Variants in SLC25A43 observed in about 807,000 individuals in gnomAD.
The protein encoded by SLC25A43 is solute carrier family 25, member 43.
A neutral mutation model predicts 22.8 loss-of-function variants in SLC25A43; 10 were observed. That is an observed-to-expected ratio of 0.44 (90% CI 0.27 to 0.74). The LOEUF (loss-of-function observed/expected upper bound fraction) is 0.74. Ranked by LOEUF, SLC25A43 falls within the 30% of genes least tolerant of loss-of-function variation. The probability of loss-of-function intolerance (pLI) is 0.17; values close to 1 mark genes in which losing one functional copy is unlikely to be tolerated. For synonymous variants in SLC25A43, 106 were observed against 121.6 expected, an observed-to-expected ratio of 0.87 and a Z score of 0.84; for missense variants, 233 against 279.1, an observed-to-expected ratio of 0.83 and a Z score of 1.18.
intron 3 of SLC25A43, 117 bp downstream of exon 3, chrX:119,410,479 T>C (rs1443879154): frequency 1.3e-5 from 10 of 777,878 alleles, no homozygotes; most frequent in Non-Finnish European, 1.7e-5. Context: ...AGCTTCTGAC[T>C]GCTCATAAAT....
intron 1 of SLC25A43, among the ~76,000 whole-genome samples, chrX:119,402,203 T>C (rs1442703097): frequency 2.7e-5 from 3 of 111,803 alleles, no homozygotes; most frequent in Non-Finnish European, 5.6e-5. Context: ...AACATAAACA[T>C]CCAGAATGTT....
At chrX:119,412,701 T>C (rs1466200341) in intron 3 of SLC25A43, among the ~76,000 whole-genome samples, 1 of 112,499 alleles carries the variant, frequency 8.9e-6, no homozygotes, top group African/African-American at 3.2e-5. Context: ...GTGCTATTTA[T>C]GTGTTGTTGG....
At chrX:119,434,979 C>T (rs1244237631) in intron 3 of SLC25A43, among the ~76,000 whole-genome samples, 1 of 110,241 alleles carries the variant, frequency 9.1e-6, no homozygotes. Flanking sequence ...GCTGGGACTA[C>T]AGGCATGCGC....
chrX:119,452,181 C>A, intron 4 of SLC25A43, 38 bp downstream of exon 4: 1 of 1,162,508 alleles, frequency 8.6e-7, no homozygotes, highest in South Asian at 2.0e-5. Context: ...TCCCCTGCCT[C>A]TTCCAATTCT....
At chrX:119,442,846 G>A (rs1266160409) in intron 3 of SLC25A43, among the ~76,000 whole-genome samples, 1 of 112,217 alleles carries the variant, frequency 8.9e-6, no homozygotes, top group Non-Finnish European at 1.9e-5. Context: ...ATGTGCAAAT[G>A]CTTTAAAAAT....
chrX:119,449,413 C>A (rs867388416), intron 3 of SLC25A43, among the ~76,000 whole-genome samples: 90 of 72,562 alleles, frequency 1.2e-3, no homozygotes, highest in Middle Eastern at 7.7e-3. Flanking sequence ...GACTCTGTCT[C>A]AAAAAAAAAA....
At chrX:119,399,773 C>T in intron 1 of SLC25A43, 95 bp downstream of exon 1, 1 of 912,480 alleles carries the variant, frequency 1.1e-6, no homozygotes, top group South Asian at 4.0e-5. Flanking sequence ...GGACTCGGGG[C>T]CCTGGAGTAG....
intron 2 of SLC25A43, among the ~76,000 whole-genome samples, chrX:119,409,678 C>T (rs775865053): frequency 4.5e-5 from 5 of 110,647 alleles, no homozygotes; most frequent in African/African-American, 9.9e-5. Flanking sequence ...TGCCGTGGTG[C>T]GATCTCAGCT....
At chrX:119,443,746 ATTTATT>A (rs1569376274) in intron 3 of SLC25A43, among the ~76,000 whole-genome samples, 24 of 103,109 alleles carry the variant, frequency 2.3e-4, no homozygotes, top group African/African-American at 8.4e-4. Flanking sequence ...TTATTTATTT[ATTTATT>A]TTTATTTTTT....
In SLC25A43 at chrX:119,399,678, A is replaced by G; in HGVS notation, c.275A>G (p.Lys92Arg). Reference protein sequence around the residue: ...CSAVQLAAYRKFVVLFTDDLG... With the variant: ...CSAVQLAAYRRFVVLFTDDLG... ...GCCGTGCAGCTCGCCGCCTACCGCA[A>G]GTAAGAGCCGGGCGGGGCCGGGGAA... is the stretch of plus-strand genomic sequence containing the variant. Residue 92 changes from lysine to arginine, a missense_variant and splice_region_variant, in exon 1 of 5, where the codon AAA becomes AGA. Transcript: ENST00000217909. 2 of 940,914 alleles carry G rather than the reference A, an allele frequency of 2.1e-6. No individual in the cohort carries two copies. The highest frequency in any genetic ancestry group is 4.2e-5 in the African/African-American group (2 of 47,895). 77.5% of individuals were successfully genotyped at this position (940,914 alleles called of 1,213,427 possible).
chrX:119,399,720 G>A, intron 1 of SLC25A43, 42 bp downstream of exon 1: 2 of 982,717 alleles, frequency 2.0e-6, no homozygotes, highest in Non-Finnish European at 2.6e-6. Context: ...GACCGGACGG[G>A]GGTGGGGTGG....
intron 3 of SLC25A43, among the ~76,000 whole-genome samples, chrX:119,432,991 C>T (rs1603298055): frequency 9.2e-6 from 1 of 109,223 alleles, no homozygotes; most frequent in East Asian, 2.9e-4. Flanking sequence ...CCCAGCTACT[C>T]GGGAGGCTGA....
chrX:119,432,587 G>C (rs939398840), intron 3 of SLC25A43, among the ~76,000 whole-genome samples: 3 of 109,252 alleles, frequency 2.7e-5, no homozygotes, highest in Non-Finnish European at 5.7e-5. Context: ...CCAGGATTTC[G>C]AGACCAGCCT....
intron 3 of SLC25A43, among the ~76,000 whole-genome samples, chrX:119,418,315 C>G (rs985620674): frequency 6.3e-5 from 7 of 111,554 alleles, no homozygotes; most frequent in African/African-American, 2.3e-4. Flanking sequence ...GAATAAGTAA[C>G]GAGGGACCTT....
intron 1 of SLC25A43, among the ~76,000 whole-genome samples, chrX:119,400,495 G>A (rs1322548357): frequency 8.9e-6 from 1 of 112,168 alleles, no homozygotes; most frequent in East Asian, 2.8e-4. Context: ...CTGTATTGGG[G>A]GGACGGTCCC....
At chrX:119,428,158 C>G (rs951813976) in intron 3 of SLC25A43, among the ~76,000 whole-genome samples, 1 of 111,821 alleles carries the variant, frequency 8.9e-6, no homozygotes, top group African/African-American at 3.2e-5. Context: ...TTTTTTCCAC[C>G]TGAAAATGTA....
At chrX:119,410,554 G>T (rs1255040212) in intron 3 of SLC25A43, among the ~76,000 whole-genome samples, 192 bp downstream of exon 3, 1 of 111,793 alleles carries the variant, frequency 8.9e-6, no homozygotes, top group African/African-American at 3.2e-5. Flanking sequence ...CTTGAGCCCC[G>T]GCTGCCTCCT....
Position 119,406,641 on chromosome X carries a change from A to G in SLC25A43, c.457A>G (p.Thr153Ala). ...SYRGLLHAFS[T>A]IYQQEGFLAL... is the part of the protein sequence containing the mutation. ...CAGGGGGCTCCTCCATGCTTTTTCTACTATTTACCAACAGGAAGGGTTCCT... is the reference window on the plus strand; with the variant it reads ...CAGGGGGCTCCTCCATGCTTTTTCTGCTATTTACCAACAGGAAGGGTTCCT... The change falls in exon 2 of 5, where the codon ACT (threonine) becomes GCT (alanine). Residue 153 changes from threonine to alanine, a missense_variant. By Grantham distance (58) the Thr-to-Ala change is moderately conservative. Transcript: ENST00000217909. 5 of 1,211,778 alleles carry G rather than the reference A, an allele frequency of 4.1e-6. No individual in the cohort carries two copies. The highest frequency in any genetic ancestry group is 5.6e-6 in the Non-Finnish European group (5 of 895,334).
At chrX:119,450,853 G>A (rs1367116468) in intron 3 of SLC25A43, among the ~76,000 whole-genome samples, 2 of 112,647 alleles carry the variant, frequency 1.8e-5, no homozygotes, top group African/African-American at 6.4e-5. Context: ...CATTTCATCT[G>A]ATCGTAAAAT....
Sources: allele counts gnomAD v4.1 joint callset (sites outside exome capture counted in the v4.1 genomes callset), GRCh38; gene constraint gnomAD v4.1.1; transcripts MANE v1.5; gene names NCBI Gene and HGNC (gene_info 2026-07-23, HGNC 2026-07-21).